The following CFAP65 variants were observed in gnomAD, a reference collection of about 807,000 sequenced individuals.
The protein encoded by CFAP65 is cilia- and flagella-associated protein 65.
Under a neutral mutation model 208.0 loss-of-function variants are expected in CFAP65, and 155 were observed. That is an observed-to-expected ratio of 0.75 (90% CI 0.65 to 0.85). The LOEUF (loss-of-function observed/expected upper bound fraction) is 0.85. CFAP65 is among the 40% of genes least tolerant of loss of function. The probability of loss-of-function intolerance (pLI) is 0.00; values close to 1 mark genes in which losing one functional copy is unlikely to be tolerated. For missense variants in CFAP65, 2,294 were observed against 2,451.3 expected (o/e 0.94, Z 1.36); for synonymous variants, 970 against 986.3 (o/e 0.98, Z 0.31).
rs779596802 is a variant in CFAP65 at position 219,022,232 on chromosome 2, G to T, written c.2918C>A (p.Pro973His). 1 of 1,606,652 alleles carries T rather than the reference G, an allele frequency of 6.2e-7. No homozygotes were observed. Among genetic ancestry groups the T allele is most frequent in the Non-Finnish European group, 8.5e-7 (1 of 1,176,848 alleles). The change falls in exon 17 of 35, where the codon CCC becomes CAC. Residue 973 changes from proline (P) to histidine (H), a missense_variant. Coordinates refer to ENST00000341552, the MANE Select transcript of CFAP65 (RefSeq NM_194302.4). Reference sequence around the variant, plus strand: ...GAGCATGTAGTGGGTGGTGGCAGCGGGGTTGGCATTTGGGGACAGGCCGGC... The same window carrying T: ...GAGCATGTAGTGGGTGGTGGCAGCGTGGTTGGCATTTGGGGACAGGCCGGC... ...WEAGLSPNAN[P>H]AATTHYMLRL...
Position 219,017,287 on chromosome 2 carries a change from C to T in CFAP65, c.3602+1764G>A, listed in dbSNP as rs1185243534. On this transcript the variant is annotated intron_variant, in intron 21 of 34. Coordinates refer to ENST00000341552, the MANE Select transcript of CFAP65 (RefSeq NM_194302.4). ...CCTTAAATGCAAGACCCTACGAAGG[C>T]CAGGGCCAGGTAAAGCAGAGGCGCG... 3.3e-5 allele frequency among the ~76,000 whole-genome samples: 5 copies of T among 152,208 alleles called. No homozygotes were observed. The South Asian group carries it at 6.2e-4, about 19-fold the overall frequency.
At position 219,035,713 on chromosome 2, in the gene CFAP65, G is replaced by A. The variant is rs1173296900; in HGVS notation, c.358-49C>T. The A allele has an allele frequency of 3.2e-6, 5 of 1,552,886 alleles. No individual in the cohort carries two copies. In the South Asian group the frequency reaches 3.7e-5, roughly 12 times the overall value. Reference sequence around the variant, plus strand: ...GGGAGCAGAAAGGATGTATCAGCAGGGTGGGATGCCAAGACCCAGAGAACA... The same window carrying A: ...GGGAGCAGAAAGGATGTATCAGCAGAGTGGGATGCCAAGACCCAGAGAACA... On this transcript the variant is annotated intron_variant, in intron 4 of 34. Transcript: ENST00000341552.
chr2:219,036,300 A>G (rs1948353905), intron 4 of CFAP65, among the ~76,000 whole-genome samples: 1 of 152,264 alleles, frequency 6.6e-6, no homozygotes, highest in African/African-American at 2.4e-5. Flanking sequence ...AAATCTTTCC[A>G]TAGGCTTATC....
intron 3 of CFAP65, 28 bp downstream of exon 3, chr2:219,038,868 G>A: frequency 2.5e-6 from 4 of 1,583,116 alleles, no homozygotes; most frequent in Non-Finnish European, 3.4e-6. Flanking sequence ...GCAAGCTCCA[G>A]TGGGTGTTAC....
intron 11 of CFAP65, 63 bp from the exon 12 acceptor site, chr2:219,028,464 G>C: frequency 7.0e-7 from 1 of 1,420,596 alleles, no homozygotes; most frequent in Non-Finnish European, 9.9e-7. Context: ...GGGGTGCTGG[G>C]GGTTGAACTG....
intron 2 of CFAP65, 49 bp downstream of exon 2, chr2:219,040,470 T>C (rs141649217): frequency 1.1e-6 from 1 of 948,484 alleles, no homozygotes; most frequent in Non-Finnish European, 1.7e-6. Context: ...CTTACTATTA[T>C]GTACCAGGTA....
Position 219,004,930 on chromosome 2 carries a change from C to T in CFAP65, c.5052-475G>A, listed in dbSNP as rs529763694. 1.4e-3 allele frequency among the ~76,000 whole-genome samples: 198 copies of T among 143,496 alleles called. No homozygotes were observed. The highest frequency in any genetic ancestry group is 5.5e-3 in the African/African-American group (190 of 34,598). The allele number at this position is 143,496 out of a possible 152,430, so 94.1% of individuals were successfully genotyped here. ...CTCTTTCTTTCTCTCTCTTTCTCTC[C>T]TCTTTTTTCTTTCTTTCTTTCTTTC... is the stretch of plus-strand genomic sequence containing the variant. On this transcript the variant is annotated intron_variant, in intron 32 of 34. Transcript: ENST00000341552. The surrounding 1 kb of genome is among the most constrained non-coding windows in gnomAD (Gnocchi z 4.7).
chr2:219,027,488 T>A (rs1327621849), intron 13 of CFAP65, 162 bp downstream of exon 13: 1 of 1,581,612 alleles, frequency 6.3e-7, no homozygotes, highest in Non-Finnish European at 8.6e-7. Context: ...CCAGGAGCTT[T>A]GGAGGAGACA....
chr2:219,013,450 C>T, intron 23 of CFAP65, 69 bp downstream of exon 23: 2 of 1,549,704 alleles, frequency 1.3e-6, no homozygotes, highest in Non-Finnish European at 1.8e-6. Flanking sequence ...ACACAGCTCC[C>T]TGCTCCTGTC....
chr2:219,022,204 C>T lies in CFAP65; in HGVS notation c.2946G>A (p.Arg982=). 6.2e-7 allele frequency: 1 copy of T among 1,605,262 alleles called. No individual in the cohort carries two copies. The highest frequency in any genetic ancestry group is 8.5e-7 in the Non-Finnish European group (1 of 1,176,178). The change falls in exon 17 of 35, where the codon CGG becomes CGA. Residue 982 remains arginine (R), a synonymous_variant. Transcript: ENST00000341552. The part of the protein sequence containing the change: ...NPAATTHYML[R]LVGVGLTSSL... Reference sequence around the variant, plus strand: ...TGCTGGTGAGCCCAACGCCCACCAGCCGGAGCATGTAGTGGGTGGTGGCAG... The same window carrying T: ...TGCTGGTGAGCCCAACGCCCACCAGTCGGAGCATGTAGTGGGTGGTGGCAG...
intron 4 of CFAP65, 46 bp downstream of exon 4, chr2:219,038,329 C>T: frequency 6.3e-7 from 1 of 1,588,560 alleles, no homozygotes; most frequent in Non-Finnish European, 8.6e-7. Context: ...ATGCCCCGCC[C>T]TGGCCCTGCC....
Position 219,027,647 on chromosome 2 carries a change from C to T in CFAP65, c.2211+3G>A, listed in dbSNP as rs759144669. ...ATTCCTCCCTCTCATTGCGTGCACA[C>T]ACCTTATAGATGGCGAAGGCTTCGA... On this transcript the variant is annotated splice_donor_region_variant and intron_variant, in intron 13 of 34. Transcript: ENST00000341552. 7 of 1,613,804 alleles carry T rather than the reference C, an allele frequency of 4.3e-6. No homozygotes were observed. The Admixed American group carries it at 1.0e-4, about 23-fold the overall frequency.
At chr2:219,005,053 T>A (rs913181760) in intron 32 of CFAP65, among the ~76,000 whole-genome samples, 2 of 152,008 alleles carry the variant, frequency 1.3e-5, no homozygotes, top group African/African-American at 4.8e-5. Context: ...TCTCCCAGGC[T>A]GGAGTACAGT....
rs143042370 is a variant in CFAP65, at chr2:219,012,368, C to T, written c.3957+891G>A. Among the ~76,000 whole-genome samples, 507 of 152,296 alleles carry T rather than the reference C, an allele frequency of 3.3e-3. 2 individuals are homozygous for T. The highest frequency in any genetic ancestry group is 0.01 in the Middle Eastern group (3 of 294). ...CTTTTAGCAAATGGCACTATGTATT[C>T]CCAGTAGCTCAAACCAGCTTCACTG... On this transcript the variant is annotated intron_variant, in intron 24 of 34. Transcript: ENST00000341552.
rs776364797 is a variant in CFAP65, at chr2:219,027,737, G to C, written c.2124C>G (p.Leu708=). The C allele has an allele frequency of 3.1e-6, 5 of 1,614,124 alleles. No individual in the cohort carries two copies. Among genetic ancestry groups the C allele is most frequent in the Non-Finnish European group, 4.2e-6 (5 of 1,180,036 alleles). Reference sequence around the variant, plus strand: ...AGTGCAGGCGCATGGCCATGGACTTGAGTGGGGGCACGTCGCAGCTCTCTG... The same window carrying C: ...AGTGCAGGCGCATGGCCATGGACTTCAGTGGGGGCACGTCGCAGCTCTCTG... ...VTPESCDVPP[L]KSMAMRLHFQ... is the part of the protein sequence containing the mutation. The change falls in exon 13 of 35, where the codon CTC becomes CTG. Residue 708 remains leucine, a synonymous_variant. Transcript: ENST00000341552.
At chr2:219,005,746 G>C (rs892612299) in intron 31 of CFAP65, among the ~76,000 whole-genome samples, 184 bp from the exon 32 acceptor site, 2 of 152,154 alleles carry the variant, frequency 1.3e-5, no homozygotes, top group African/African-American at 2.4e-5. Flanking sequence ...AGTTAGCACG[G>C]GAGCTAGAGA....
In CFAP65 at chr2:219,031,044, C is replaced by G. The variant is rs966054542; in HGVS notation, c.1015+62G>C. 24 of 1,520,794 alleles carry G rather than the reference C, an allele frequency of 1.6e-5. No homozygotes were observed. The highest frequency in any genetic ancestry group is 7.9e-5 in the Admixed American group (4 of 50,552). 94.2% of individuals were successfully genotyped at this position (1,520,794 alleles called of 1,614,324 possible). On this transcript the variant is annotated intron_variant, in intron 8 of 34. Transcript: ENST00000341552. This position sits in a 1 kb window ranked among gnomAD's most constrained non-coding sequence, Gnocchi z 5.2. ...AGATGGGAGGTGGGGGACACTGAGG[C>G]CTGGAGGACCCAGAAGGTGCAGGAG...
In CFAP65 at chr2:219,002,995, G is replaced by C; in HGVS notation, c.5720C>G (p.Pro1907Arg). The C allele has an allele frequency of 1.9e-6, 3 of 1,562,626 alleles. No homozygotes were observed. The highest frequency in any genetic ancestry group is 1.7e-6 in the Non-Finnish European group (2 of 1,152,918). Residue 1907 changes from proline to arginine, a missense_variant, in exon 35 of 35, where the codon CCG (proline) becomes CGG (arginine). This residue lies in a region of CFAP65 where 1,427 missense variants were observed against 1,438.7 expected (regional missense o/e 0.99). Coordinates refer to ENST00000341552, the MANE Select transcript of CFAP65 (RefSeq NM_194302.4). This position sits in a 1 kb window ranked among gnomAD's most constrained non-coding sequence, Gnocchi z 7.9. Reference sequence around the variant, plus strand: ...GTGGAGTACCTCTGCTTGCTGCGTCGGCAGCAGCGTGTCCGGGGTCAGACT... The same window carrying C: ...GTGGAGTACCTCTGCTTGCTGCGTCCGCAGCAGCGTGTCCGGGGTCAGACT... ...PRSLTPDTLL[P>R]TQQAEVLHPV...
chr2:219,028,404 G>A lies in CFAP65; in HGVS notation c.1651-3C>T, dbSNP rs906550030. On this transcript the variant is annotated splice_region_variant and splice_polypyrimidine_tract_variant and intron_variant, in intron 11 of 34. Transcript: ENST00000341552. Reference sequence around the variant, plus strand: ...ATCAGGTCCAGGAACAGTGGGTCCTGTGACATTTGTCTGTGTGTGGTGGGG... The same window carrying A: ...ATCAGGTCCAGGAACAGTGGGTCCTATGACATTTGTCTGTGTGTGGTGGGG... 2 of 1,612,064 alleles carry A rather than the reference G, an allele frequency of 1.2e-6. No individual in the cohort carries two copies. The highest frequency in any genetic ancestry group is 1.7e-6 in the Non-Finnish European group (2 of 1,179,582).
Sources: gnomAD v4.1 joint callset for allele counts (sites outside exome capture counted in the v4.1 genomes callset) on GRCh38, gnomAD v4.1.1 for gene constraint, gnomAD v4.1.1 regional missense constraint, Gnocchi (gnomAD v3.1) non-coding constraint, MANE v1.5 for transcripts, NCBI Gene and HGNC (gene_info 2026-07-23, HGNC 2026-07-21) for gene names.